Variants in ANAPC4 observed in about 807,000 individuals in gnomAD.
The protein encoded by ANAPC4 is anaphase promoting complex subunit 4.
Under a neutral mutation model 119.8 loss-of-function variants are expected in ANAPC4, and 63 were observed. That is an observed-to-expected ratio of 0.53 (90% CI 0.43 to 0.65). The LOEUF (loss-of-function observed/expected upper bound fraction) is 0.65, where lower values mean the gene tolerates loss of function less well. Ranked by LOEUF, ANAPC4 falls within the 30% of genes least tolerant of loss-of-function variation. The pLI, the probability that ANAPC4 is intolerant of heterozygous loss-of-function variation, is 0.00. For missense variants in ANAPC4, 716 were observed against 945.1 expected, an observed-to-expected ratio of 0.76 and a Z score of 3.18; for synonymous variants, 283 against 318.6, an observed-to-expected ratio of 0.89 and a Z score of 1.19.
In ANAPC4 at chr4:25,416,208, A is replaced by C. The variant is rs534068431; in HGVS notation, c.1902-217A>C. 21 of 344,372 alleles carry C rather than the reference A, an allele frequency of 6.1e-5. No individual in the cohort carries two copies. The South Asian group carries it at 1.8e-3, about 30-fold the overall frequency. 21.3% of individuals were successfully genotyped at this position (344,372 alleles called of 1,614,324 possible). On this transcript the variant is annotated intron_variant, in intron 26 of 28. Coordinates refer to ENST00000315368, the MANE Select transcript of ANAPC4 (RefSeq NM_013367.3). ...ACAACTTCACAGATTTTTGGGGGTC[A>C]TGATTACCCATTTTTAAGATTTGGT... is the stretch of plus-strand genomic sequence containing the variant.
At chr4:25,377,391 C>A (rs751592232) in intron 1 of ANAPC4, 27 bp from the exon 2 acceptor site, 60 of 1,609,840 alleles carry the variant, frequency 3.7e-5, no homozygotes, top group Non-Finnish European at 5.0e-5. Flanking sequence ...GGGCTCCTGC[C>A]GGCCTCTGAC....
At chr4:25,380,227 C>T (rs1721633804) in intron 2 of ANAPC4, 147 bp from the exon 3 acceptor site, 3 of 506,000 alleles carry the variant, frequency 5.9e-6, no homozygotes, top group South Asian at 8.6e-5. Context: ...TGTGTTCATT[C>T]AGACACTGTT....
intron 16 of ANAPC4, 132 bp from the exon 17 acceptor site, chr4:25,402,839 A>G (rs1462657128): frequency 2.0e-5 from 9 of 448,368 alleles, no homozygotes; most frequent in East Asian, 3.6e-5. Flanking sequence ...CTGCTGTTCT[A>G]AAGACTTAAA....
At chr4:25,415,318 T>G in intron 25 of ANAPC4, 148 bp from the exon 26 acceptor site, 1 of 514,980 alleles carries the variant, frequency 1.9e-6, no homozygotes, top group Non-Finnish European at 3.4e-6. Flanking sequence ...ACCAAATTGG[T>G]TTATCTATCT....
chr4:25,405,429 G>A lies in ANAPC4; in HGVS notation c.1271-144G>A. 1 of 700,598 alleles carries A rather than the reference G, an allele frequency of 1.4e-6. No homozygotes were observed. The highest frequency in any genetic ancestry group is 2.3e-6 in the Non-Finnish European group (1 of 432,722). The allele number at this position is 700,598 out of a possible 1,614,324, so 43.4% of individuals were successfully genotyped here. ...AAGTTCTGGCACCCCTTAGTTTTTG[G>A]AAGAAAAATGTTTTTGTTGGTGAAA... On this transcript the variant is annotated intron_variant, in intron 17 of 28. Transcript: ENST00000315368. The surrounding 1 kb of genome is among the most constrained non-coding windows in gnomAD (Gnocchi z 4.6).
rs967558441 is a variant in ANAPC4 at position 25,405,326 on chromosome 4, G to A, written c.1271-247G>A. ...GTTAGATTTGTCTGGCGTGGCAACA[G>A]GTGGAATTGAAGAGGAAAAAGAATA... is the stretch of plus-strand genomic sequence containing the variant. On this transcript the variant is annotated intron_variant, in intron 17 of 28. Coordinates refer to ENST00000315368, the MANE Select transcript of ANAPC4 (RefSeq NM_013367.3). The surrounding 1 kb of genome is among the most constrained non-coding windows in gnomAD (Gnocchi z 4.6). Among the ~76,000 whole-genome samples, 1 of 151,984 alleles carries A rather than the reference G, an allele frequency of 6.6e-6. No individual in the cohort carries two copies. The highest frequency in any genetic ancestry group is 2.4e-5 in the African/African-American group (1 of 41,368).
intron 10 of ANAPC4, 146 bp from the exon 11 acceptor site, chr4:25,393,659 C>T: frequency 2.0e-6 from 1 of 500,028 alleles, no homozygotes. Context: ...AAGACTCTGT[C>T]TCGATAAATA....
chr4:25,411,180 C>G (rs970993793), intron 21 of ANAPC4, among the ~76,000 whole-genome samples: 3 of 152,140 alleles, frequency 2.0e-5, no homozygotes, highest in African/African-American at 7.2e-5. Context: ...GATAAAGGTA[C>G]AGGAGACGCT....
chr4:25,393,983 A>G, intron 11 of ANAPC4, 92 bp downstream of exon 11: 2 of 1,037,768 alleles, frequency 1.9e-6, no homozygotes. Flanking sequence ...AGTTTGATTC[A>G]TAAAAGGCTA....
At position 25,407,092 on chromosome 4, in the gene ANAPC4, A is replaced by G. The variant is rs550832492; in HGVS notation, c.1375-105A>G. 3 of 984,934 alleles carry G rather than the reference A, an allele frequency of 3.0e-6. No individual in the cohort carries two copies. In the Admixed American group the frequency reaches 8.7e-5, roughly 28 times the overall value. The allele number at this position is 984,934 out of a possible 1,614,324, so 61.0% of individuals were successfully genotyped here. A position where few individuals can be genotyped will look rare whatever the true frequency, so the allele number is the denominator to read the frequency against. The stretch of plus-strand genomic sequence containing the variant: ...TTATAATCTATAAAAGAAAATAATA[A>G]CTGCCACTCACAGCTCTCTTGAAAA... On this transcript the variant is annotated intron_variant, in intron 19 of 28. Transcript: ENST00000315368.
intron 4 of ANAPC4, among the ~76,000 whole-genome samples, chr4:25,386,410 A>G (rs933342736): frequency 6.6e-6 from 1 of 151,520 alleles, no homozygotes; most frequent in Non-Finnish European, 1.5e-5. Flanking sequence ...ACGGGATTTC[A>G]CCATGTTGGC....
chr4:25,400,945 G>A (rs890448290), intron 16 of ANAPC4, among the ~76,000 whole-genome samples: 5 of 152,144 alleles, frequency 3.3e-5, no homozygotes, highest in Non-Finnish European at 5.9e-5. Flanking sequence ...CCTCTGGGGT[G>A]TGAACTTTGG....
At chr4:25,396,549 G>T in intron 14 of ANAPC4, 115 bp from the exon 15 acceptor site, 3 of 784,004 alleles carry the variant, frequency 3.8e-6, no homozygotes, top group African/African-American at 1.7e-5. Context: ...ATTTCTCATG[G>T]AAACAAAATG....
chr4:25,394,552 T>C (rs1193668739), intron 12 of ANAPC4, 119 bp from the exon 13 acceptor site: 5 of 1,183,756 alleles, frequency 4.2e-6, no homozygotes, highest in African/African-American at 3.1e-5. Context: ...CGTAGAATTT[T>C]TTGTGGGGCT....
At chr4:25,391,052 A>ACACC in intron 9 of ANAPC4, 37 bp downstream of exon 9, 2 of 1,445,172 alleles carry the variant, frequency 1.4e-6, no homozygotes, top group Admixed American at 1.7e-5. Flanking sequence ...GAGAGTAAAT[A>ACACC]TGTATTTAAC....
chr4:25,414,164 C>A (rs1438240599), intron 22 of ANAPC4, 160 bp from the exon 23 acceptor site: 4 of 553,064 alleles, frequency 7.2e-6, no homozygotes, highest in Non-Finnish European at 1.2e-5. Context: ...TTCTCTTTTT[C>A]CTTACTGTTA....
At chr4:25,381,555 G>A (rs1721728973) in intron 3 of ANAPC4, among the ~76,000 whole-genome samples, 2 of 152,146 alleles carry the variant, frequency 1.3e-5, no homozygotes, top group Admixed American at 1.3e-4. Context: ...CAAGTGATTC[G>A]CCTACCTTGG....
At chr4:25,409,109 C>T (rs1723428942) in intron 20 of ANAPC4, among the ~76,000 whole-genome samples, 1 of 152,100 alleles carries the variant, frequency 6.6e-6, no homozygotes, top group Admixed American at 6.5e-5. Context: ...GTGACAGCTA[C>T]ATTATTATAA....
intron 14 of ANAPC4, among the ~76,000 whole-genome samples, chr4:25,396,266 A>T (rs1722646079): frequency 1.3e-5 from 2 of 152,192 alleles, no homozygotes; most frequent in South Asian, 2.1e-4. Flanking sequence ...TGTCAATGCC[A>T]TGAGACCCTT....
Sources: allele counts gnomAD v4.1 joint callset (sites outside exome capture counted in the v4.1 genomes callset), GRCh38; gene constraint gnomAD v4.1.1; non-coding constraint Gnocchi (gnomAD v3.1); transcripts MANE v1.5; gene names NCBI Gene and HGNC (gene_info 2026-07-23, HGNC 2026-07-21).